ACTN1: variants seen among roughly 807,000 people sequenced by gnomAD.
ACTN1 encodes the protein alpha-actinin-1.
In ACTN1, 30 loss-of-function variants were observed where a neutral mutation model predicts 119.6. That is an observed-to-expected ratio of 0.25 (90% CI 0.19 to 0.34). ACTN1 has a LOEUF of 0.34. ACTN1 is among the 10% of genes least tolerant of loss of function. The pLI is 1.00. For synonymous variants in ACTN1, 429 were observed against 472.6 expected (o/e 0.91, Z 1.20); for missense variants, 764 against 1,223.4 (o/e 0.62, Z 5.60).
Position 68,952,606 on chromosome 14 carries a change from C to G in ACTN1, c.105+26346G>C, listed in dbSNP as rs540582185. 1.3e-3 allele frequency among the ~76,000 whole-genome samples: 194 copies of G among 152,288 alleles called. 2 individuals carry two copies. Among genetic ancestry groups the G allele is most frequent in the Middle Eastern group, 0.01 (3 of 294 alleles). On this transcript the variant is annotated intron_variant, in intron 1 of 21. Transcript: ENST00000394419. ...GGAAAGCGGCATCCCGCCCACCCCC[C>G]ATCCCTGCTGGATTTTAACCATAAA...
At chr14:68,911,612 A>C (rs117819055) in intron 4 of ACTN1, among the ~76,000 whole-genome samples, 2,522 of 152,380 alleles carry the variant, frequency 0.017, 65 homozygotes, top group Middle Eastern at 0.02. Context: ...AGTTTGTTTC[A>C]GTATGTGTGT....
chr14:68,897,758 G>A (rs1429927036), intron 8 of ACTN1, among the ~76,000 whole-genome samples: 1 of 152,228 alleles, frequency 6.6e-6, no homozygotes, highest in Non-Finnish European at 1.5e-5. Flanking sequence ...CCTACTAAGA[G>A]AGCCCCAGAT....
chr14:68,885,851 C>A lies in ACTN1; in HGVS notation c.1235-276G>T. 1 of 427,452 alleles carries A rather than the reference C, an allele frequency of 2.3e-6. No individual in the cohort carries two copies. The highest frequency in any genetic ancestry group is 4.3e-6 in the Non-Finnish European group (1 of 230,046). The allele number at this position is 427,452 out of a possible 1,614,324, so 26.5% of individuals were successfully genotyped here. A position where few individuals can be genotyped will look rare whatever the true frequency, so the allele number is the denominator to read the frequency against. ...CAGGAGTCTGTGGGAATGCATAGGG[C>A]ATGACGCTATACACACAGCGGGAAA... On this transcript the variant is annotated intron_variant, in intron 11 of 21. Coordinates refer to ENST00000394419, the MANE Select transcript of ACTN1 (RefSeq NM_001130004.2). The surrounding 1 kb of genome is among the most constrained non-coding windows in gnomAD (Gnocchi z 5.6).
intron 1 of ACTN1, among the ~76,000 whole-genome samples, chr14:68,927,387 C>T (rs1243013152): frequency 6.6e-6 from 1 of 152,204 alleles, no homozygotes; most frequent in Non-Finnish European, 1.5e-5. Flanking sequence ...ACTCAATGTT[C>T]ACCTTTATAT....
At chr14:68,972,134 T>A (rs1157744250) in intron 1 of ACTN1, among the ~76,000 whole-genome samples, 1 of 152,190 alleles carries the variant, frequency 6.6e-6, no homozygotes, top group Non-Finnish European at 1.5e-5. Flanking sequence ...CCCCAAGGAC[T>A]GAGACTTGGA....
intron 1 of ACTN1, among the ~76,000 whole-genome samples, chr14:68,961,274 G>A (rs1251684684): frequency 6.6e-6 from 1 of 151,890 alleles, no homozygotes; most frequent in Admixed American, 6.6e-5. Flanking sequence ...TGCCAAGTGG[G>A]GAAATAAAAA....
At chr14:68,887,392 A>G (rs1343581203) in intron 11 of ACTN1, 1 of 539,546 alleles carries the variant, frequency 1.9e-6, no homozygotes, top group Non-Finnish European at 2.9e-6. Flanking sequence ...AAAAAACAAC[A>G]TGGCAACAGA....
intron 11 of ACTN1, among the ~76,000 whole-genome samples, chr14:68,889,512 C>T (rs1442783056): frequency 2.6e-5 from 4 of 152,162 alleles, no homozygotes; most frequent in Non-Finnish European, 4.4e-5. Flanking sequence ...TGACATTATA[C>T]GGCTGGGCAC....
intron 1 of ACTN1, among the ~76,000 whole-genome samples, chr14:68,932,225 A>G (rs528752569): frequency 1.6e-3 from 241 of 151,864 alleles, no homozygotes; most frequent in African/African-American, 5.4e-3. Flanking sequence ...AGCTGCCAGC[A>G]CAGCCAGAAT....
At chr14:68,912,334 C>G (rs1288070016) in intron 3 of ACTN1, 92 bp from the exon 4 acceptor site, 1 of 1,006,616 alleles carries the variant, frequency 9.9e-7, no homozygotes, top group East Asian at 2.4e-5. Context: ...ATGCCCCACG[C>G]TAGGAATCAA....
chr14:68,899,332 C>T (rs1284054748), intron 8 of ACTN1, among the ~76,000 whole-genome samples: 1 of 149,814 alleles, frequency 6.7e-6, no homozygotes, highest in Non-Finnish European at 1.5e-5. Context: ...CGCACCTCAC[C>T]CCTCACACCT....
At chr14:68,948,252 A>G (rs1454248297) in intron 1 of ACTN1, among the ~76,000 whole-genome samples, 1 of 152,178 alleles carries the variant, frequency 6.6e-6, no homozygotes, top group Non-Finnish European at 1.5e-5. Context: ...CAATGACCCC[A>G]TTTACTCTTC....
intron 11 of ACTN1, among the ~76,000 whole-genome samples, chr14:68,889,226 A>G (rs1258936233): frequency 1.3e-5 from 2 of 152,188 alleles, no homozygotes; most frequent in East Asian, 3.8e-4. Context: ...GACACCAGAC[A>G]CGCCCCCAAG....
At chr14:68,952,540 G>A (rs1245597848) in intron 1 of ACTN1, among the ~76,000 whole-genome samples, 1 of 152,194 alleles carries the variant, frequency 6.6e-6, no homozygotes, top group African/African-American at 2.4e-5. Context: ...GAGAAGGAAG[G>A]TAGATATGTG....
In ACTN1 at chr14:68,885,754, G is replaced by A. The variant is rs1034147549; in HGVS notation, c.1235-179C>T. 52 of 672,886 alleles carry A rather than the reference G, an allele frequency of 7.7e-5. No individual in the cohort carries two copies. Among genetic ancestry groups the A allele is most frequent in the African/African-American group, 6.0e-4 (33 of 55,266 alleles). The allele number at this position is 672,886 out of a possible 1,614,324, so 41.7% of individuals were successfully genotyped here. Reference sequence around the variant, plus strand: ...TGTGCAACTAGAACATCCACCAACCGGCGCAACGGGGAAAAGCACTCTCCT... The same window carrying A: ...TGTGCAACTAGAACATCCACCAACCAGCGCAACGGGGAAAAGCACTCTCCT... On this transcript the variant is annotated intron_variant, in intron 11 of 21. Transcript: ENST00000394419. This position sits in a 1 kb window ranked among gnomAD's most constrained non-coding sequence, Gnocchi z 5.6.
At chr14:68,956,138 C>T (rs2036344706) in intron 1 of ACTN1, among the ~76,000 whole-genome samples, 1 of 151,922 alleles carries the variant, frequency 6.6e-6, no homozygotes, top group African/African-American at 2.4e-5. Context: ...GTACTCCAGC[C>T]TGGGTTACAG....
intron 1 of ACTN1, 53 bp downstream of exon 1, chr14:68,978,899 C>CGGGGCTG (rs59714290): frequency 0.083 from 91,968 of 1,111,620 alleles, 5,425 homozygotes; most frequent in Non-Finnish European, 0.094. Context: ...CAGAGCGGGT[C>CGGGGCTG]GGGGCTGGGG....
At chr14:68,965,041 C>T (rs914033717) in intron 1 of ACTN1, among the ~76,000 whole-genome samples, 3 of 152,206 alleles carry the variant, frequency 2.0e-5, no homozygotes, top group East Asian at 1.9e-4. Flanking sequence ...TACAGAGGCC[C>T]GCCCCATGTG....
intron 6 of ACTN1, among the ~76,000 whole-genome samples, chr14:68,907,555 ACT>A (rs1464441090): frequency 4.6e-5 from 7 of 152,208 alleles, no homozygotes; most frequent in Non-Finnish European, 7.3e-5. Context: ...CAATAGTGAA[ACT>A]CTGTCTCAAA....
Sources: gnomAD v4.1 joint callset for allele counts (sites outside exome capture counted in the v4.1 genomes callset) on GRCh38, gnomAD v4.1.1 for gene constraint, Gnocchi (gnomAD v3.1) non-coding constraint, MANE v1.5 for transcripts, NCBI Gene and HGNC (gene_info 2026-07-23, HGNC 2026-07-21) for gene names.